The following CLASP2 variants were observed in gnomAD, a reference collection of about 807,000 sequenced individuals.
CLASP2 encodes the protein CLIP-associating protein 2.
CLASP2 carries 47 observed loss-of-function variants against 194.4 expected under a neutral mutation model. The observed-to-expected ratio is 0.24, with a 90% CI of 0.19 to 0.31. The LOEUF (loss-of-function observed/expected upper bound fraction) is 0.31. Among genes scored for constraint, CLASP2 ranks in the 10% least tolerant of loss-of-function variants. The probability of loss-of-function intolerance (pLI) is 1.00; values close to 1 mark genes in which losing one functional copy is unlikely to be tolerated. For synonymous variants in CLASP2, 619 were observed against 633.5 expected (o/e 0.98, Z 0.34); for missense variants, 1,445 against 1,823.6 (o/e 0.79, Z 3.78).
At chr3:33,509,008 T>C (rs554384327) in intron 37 of CLASP2, among the ~76,000 whole-genome samples, 7 of 152,264 alleles carry the variant, frequency 4.6e-5, no homozygotes, top group Admixed American at 2.6e-4. Context: ...CTCTTTTGAG[T>C]GGAAAATGGT....
At chr3:33,556,497 G>A (rs1287791761) in intron 29 of CLASP2, among the ~76,000 whole-genome samples, 2 of 151,190 alleles carry the variant, frequency 1.3e-5, no homozygotes, top group South Asian at 2.1e-4. Flanking sequence ...GGGCAGTGGC[G>A]CAGACTCGGC....
intron 13 of CLASP2, 113 bp downstream of exon 13, chr3:33,611,888 A>T: frequency 1.4e-6 from 1 of 713,414 alleles, no homozygotes. Context: ...ACACTTTTTT[A>T]TGGTTTTCTG....
At chr3:33,528,592 T>A (rs2055267519) in intron 34 of CLASP2, among the ~76,000 whole-genome samples, 1 of 152,024 alleles carries the variant, frequency 6.6e-6, no homozygotes, top group African/African-American at 2.4e-5. Flanking sequence ...TGAAACCCCA[T>A]CTCTACTAAA....
intron 1 of CLASP2, among the ~76,000 whole-genome samples, 161 bp from the exon 2 acceptor site, chr3:33,697,094 A>C (rs190182885): frequency 2.5e-4 from 38 of 152,338 alleles, no homozygotes; most frequent in Admixed American, 2.4e-3. Flanking sequence ...TAAGCACCCT[A>C]ATCTCAAATG....
intron 6 of CLASP2, among the ~76,000 whole-genome samples, chr3:33,680,504 A>C (rs1204234345): frequency 6.6e-6 from 1 of 152,184 alleles, no homozygotes; most frequent in Non-Finnish European, 1.5e-5. Flanking sequence ...TGTGAACCTA[A>C]AAGTGCTCTA....
At chr3:33,548,776 T>C (rs1489128262) in intron 30 of CLASP2, among the ~76,000 whole-genome samples, 1 of 145,414 alleles carries the variant, frequency 6.9e-6, no homozygotes, top group Non-Finnish European at 1.5e-5. Context: ...TTTTTTTTTT[T>C]TTTTTTTTTT....
Position 33,498,557 on chromosome 3 carries a change from A to G in CLASP2, c.*74T>C, listed in dbSNP as rs1238589523. On this transcript the variant is annotated 3_prime_UTR_variant, in exon 39 of 39. Coordinates refer to ENST00000682230, the MANE Select transcript of CLASP2 (RefSeq NM_001365631.1). ...GTAAGTTCCAAAGGATGTGTTTGAG[A>G]ACTTCCTTTCATTGATGAGGGTGGT... 2 of 914,570 alleles carry G rather than the reference A, an allele frequency of 2.2e-6. No individual in the cohort carries two copies. The highest frequency in any genetic ancestry group is 3.5e-6 in the Non-Finnish European group (2 of 573,828). 56.7% of individuals were successfully genotyped at this position (914,570 alleles called of 1,614,324 possible).
At chr3:33,578,593 T>C (rs2154201656) in intron 23 of CLASP2, among the ~76,000 whole-genome samples, 1 of 152,292 alleles carries the variant, frequency 6.6e-6, no homozygotes, top group South Asian at 2.1e-4. Context: ...CTGCACAAAA[T>C]GTTTAGTTAG....
intron 18 of CLASP2, among the ~76,000 whole-genome samples, chr3:33,600,155 GAC>G (rs1200414740): frequency 6.6e-6 from 1 of 152,044 alleles, no homozygotes; most frequent in African/African-American, 2.4e-5. Flanking sequence ...TGCAAAGAGA[GAC>G]AGTTTGTTCT....
chr3:33,589,168 C>CA lies in CLASP2; in HGVS notation c.2068+3226dup, dbSNP rs201556546. Among the ~76,000 whole-genome samples the CA allele has an allele frequency of 4.7e-3, 716 of 151,764 alleles. 6 individuals carry two copies. The highest frequency in any genetic ancestry group is 0.016 in the African/African-American group (664 of 41,400). On this transcript the variant is annotated intron_variant, in intron 21 of 38. Transcript: ENST00000682230. ...AAATGTCATCTTTCTTAAGATGCAC[C>CA]AAGAAAAACAAAAGATGGGAGGAGA...
chr3:33,549,939 G>A (rs533668575), intron 30 of CLASP2, among the ~76,000 whole-genome samples: 4 of 151,836 alleles, frequency 2.6e-5, no homozygotes, highest in South Asian at 2.1e-4. Context: ...GTTTCTCCAC[G>A]TTGCTCAGGC....
chr3:33,663,612 G>T, intron 6 of CLASP2, 97 bp from the exon 7 acceptor site: 1 of 807,338 alleles, frequency 1.2e-6, no homozygotes, highest in Non-Finnish European at 2.0e-6. Context: ...AAAAACAATT[G>T]TAGGGATTCA....
intron 3 of CLASP2, among the ~76,000 whole-genome samples, chr3:33,688,752 C>G (rs2091007169): frequency 6.6e-6 from 1 of 152,100 alleles, no homozygotes; most frequent in Non-Finnish European, 1.5e-5. Context: ...CCAACATTGC[C>G]TAGCAACTAA....
chr3:33,548,746 C>G (rs59941034), intron 30 of CLASP2, among the ~76,000 whole-genome samples: 2 of 149,080 alleles, frequency 1.3e-5, no homozygotes, highest in Non-Finnish European at 3.0e-5. Context: ...CAATAGGTAA[C>G]GACTACGGTT....
At chr3:33,564,328 C>G (rs1433175116) in intron 27 of CLASP2, among the ~76,000 whole-genome samples, 2 of 152,114 alleles carry the variant, frequency 1.3e-5, no homozygotes, top group East Asian at 1.9e-4. Flanking sequence ...AGATTAACTT[C>G]TTTTTATTTC....
chr3:33,695,319 C>T lies in CLASP2; in HGVS notation c.274+1536G>A, dbSNP rs551418689. ...CAAGCAATCCTCCTACCTTAGCCTCCTAAACTGTTGGGATTACAGGTGTGA... is the reference window on the plus strand; with the variant it reads ...CAAGCAATCCTCCTACCTTAGCCTCTTAAACTGTTGGGATTACAGGTGTGA... On this transcript the variant is annotated intron_variant, in intron 2 of 38. Coordinates refer to ENST00000682230, the MANE Select transcript of CLASP2 (RefSeq NM_001365631.1). Among the ~76,000 whole-genome samples, 34 of 146,498 alleles carry T rather than the reference C, an allele frequency of 2.3e-4. No individual in the cohort carries two copies. In the South Asian group the frequency reaches 6.0e-3, roughly 26 times the overall value.
In CLASP2 at chr3:33,606,666, T is replaced by A; in HGVS notation, c.1619A>T (p.Tyr540Phe). ...TGCTACACTGCCAGAACTCTTTAAG[T>A]AAGTTTGAAGACTCTTCTGATAAGA... Reference protein sequence around the residue: ...EPSYQKSLQTYLKSSGSVASL... With the variant: ...EPSYQKSLQTFLKSSGSVASL... The change falls in exon 16 of 39, where the codon TAC (tyrosine) becomes TTC (phenylalanine). Residue 540 changes from tyrosine to phenylalanine, a missense_variant. By Grantham distance (22) the Tyr-to-Phe change is conservative. This residue lies in a region of CLASP2 where 174 missense variants were observed against 179.0 expected (regional missense o/e 0.97). Transcript: ENST00000682230. 3 of 1,613,408 alleles carry A rather than the reference T, an allele frequency of 1.9e-6. No homozygotes were observed. The highest frequency in any genetic ancestry group is 2.5e-6 in the Non-Finnish European group (3 of 1,179,448).
intron 29 of CLASP2, chr3:33,558,537 T>G (rs2061328769): frequency 6.6e-6 from 1 of 152,018 alleles, no homozygotes; most frequent in Non-Finnish European, 1.5e-5. Context: ...AGCAAAGAAT[T>G]CAGGAGCTAT....
intron 32 of CLASP2, among the ~76,000 whole-genome samples, chr3:33,541,314 C>A (rs1265251989): frequency 6.6e-5 from 10 of 151,850 alleles, no homozygotes; most frequent in Admixed American, 6.6e-4. Flanking sequence ...CACAGCCAGC[C>A]CCAACTCCTT....
Sources: gnomAD v4.1 joint callset for allele counts (sites outside exome capture counted in the v4.1 genomes callset) on GRCh38, gnomAD v4.1.1 for gene constraint, gnomAD v4.1.1 regional missense constraint, MANE v1.5 for transcripts, NCBI Gene and HGNC (gene_info 2026-07-23, HGNC 2026-07-21) for gene names.